CCKAR: variants seen among roughly 807,000 people sequenced by gnomAD.
CCKAR encodes the protein cholecystokinin A receptor.
A neutral mutation model predicts 29.8 loss-of-function variants in CCKAR; 21 were observed. The ratio of observed to expected loss-of-function variants is 0.70; its 90% confidence interval spans 0.50 to 1.01. The LOEUF is 1.01. Among genes scored for constraint, CCKAR ranks in the 50% least tolerant of loss-of-function variants. The probability of loss-of-function intolerance (pLI) is 0.00; values close to 1 mark genes in which losing one functional copy is unlikely to be tolerated. For missense variants in CCKAR, 570 were observed against 560.6 expected (o/e 1.02, Z -0.17); for synonymous variants, 238 against 221.3 (o/e 1.08, Z -0.67).
chr4:26,490,345 G>A lies in CCKAR; in HGVS notation c.-78C>T. ...CCGGCTCATTCCTCTAATGACCGAA[G>A]CGTCTCGCAGATGCAACCTGCCGTG... On this transcript the variant is annotated 5_prime_UTR_variant, in exon 1 of 5. Coordinates refer to ENST00000295589, the MANE Select transcript of CCKAR (RefSeq NM_000730.3). 1.0e-6 allele frequency: 1 copy of A among 969,828 alleles called. No individual in the cohort carries two copies. The highest frequency in any genetic ancestry group is 1.6e-6 in the Non-Finnish European group (1 of 608,818). 60.1% of individuals were successfully genotyped at this position (969,828 alleles called of 1,614,324 possible). A position where few individuals can be genotyped will look rare whatever the true frequency, so the allele number is the denominator to read the frequency against.
At chr4:26,483,071 G>A (rs918277573) in intron 4 of CCKAR, 85 bp downstream of exon 4, 144 of 1,361,360 alleles carry the variant, frequency 1.1e-4, no homozygotes, top group Non-Finnish European at 1.3e-4. Context: ...CAAACTTTAC[G>A]TACACTCTGG....
rs200794266 is a variant in CCKAR, at chr4:26,483,237, T to C, written c.673A>G (p.Met225Val). 5.6e-6 allele frequency: 9 copies of C among 1,613,722 alleles called. No individual in the cohort carries two copies. Among genetic ancestry groups the C allele is most frequent in the South Asian group, 1.1e-5 (1 of 91,032 alleles). The change falls in exon 4 of 5, where the codon ATG becomes GTG. Residue 225 changes from methionine (M) to valine (V), a missense_variant. Coordinates refer to ENST00000295589, the MANE Select transcript of CCKAR (RefSeq NM_000730.3). ...GAGATTAATCCATATGCCACCATCA[T>C]CACAATTCCAGGAATAAGAAAGAGG... Reference protein sequence around the residue: ...LILFLIPGIVMMVAYGLISLE... With the variant: ...LILFLIPGIVVMVAYGLISLE...
At chr4:26,488,617 C>T (rs1376235199) in intron 2 of CCKAR, among the ~76,000 whole-genome samples, 2 of 152,308 alleles carry the variant, frequency 1.3e-5, no homozygotes, top group Middle Eastern at 3.4e-3. Context: ...CCCCCAGGAG[C>T]AAATTCAACT....
At chr4:26,489,089 G>C (rs555106345) in intron 2 of CCKAR, 144 bp downstream of exon 2, 4 of 1,042,518 alleles carry the variant, frequency 3.8e-6, no homozygotes, top group Non-Finnish European at 5.7e-6. Flanking sequence ...ACCAATGTCC[G>C]TGCACACAGC....
chr4:26,487,600 A>C (rs1737473746), intron 2 of CCKAR, among the ~76,000 whole-genome samples: 1 of 152,230 alleles, frequency 6.6e-6, no homozygotes, highest in South Asian at 2.1e-4. Flanking sequence ...TGGAATTAAA[A>C]ATCCAACAAA....
chr4:26,489,260 C>T lies in CCKAR; in HGVS notation c.337G>A (p.Val113Ile), dbSNP rs770226902. The T allele has an allele frequency of 1.2e-6, 2 of 1,614,088 alleles. No individual in the cohort carries two copies. Among genetic ancestry groups the T allele is most frequent in the Non-Finnish European group, 1.7e-6 (2 of 1,180,018 alleles). Residue 113 changes from valine to isoleucine, a missense_variant, in exon 2 of 5, where the codon GTT becomes ATT. Coordinates refer to ENST00000295589, the MANE Select transcript of CCKAR (RefSeq NM_000730.3). ...LLKDFIFGSA[V>I]CKTTTYFMGT... ...ATGAAGTAGGTGGTGGTCTTGCAAA[C>T]GGCGCTCCCGAAGATGAAATCCTTG...
In CCKAR at chr4:26,485,808, C is replaced by G. The variant is rs745741826; in HGVS notation, c.455G>C (p.Trp152Ser). Residue 152 changes from tryptophan (W) to serine (S), a missense_variant, in exon 3 of 5, where the codon TGG becomes TCG. Coordinates refer to ENST00000295589, the MANE Select transcript of CCKAR (RefSeq NM_000730.3). ...AICKPLQSRVWQTKSHALKVI... is the reference protein window; with the variant it reads ...AICKPLQSRVSQTKSHALKVI... ...CTTCAAAGCATGGGATTTTGTCTGC[C>G]AGACCCGGGACTGTAAGGGTTTGCA... 3.1e-6 allele frequency: 5 copies of G among 1,613,894 alleles called. No homozygotes were observed. The highest frequency in any genetic ancestry group is 4.2e-6 in the Non-Finnish European group (5 of 1,179,980).
rs201172528 is a variant in CCKAR, at chr4:26,481,646, G to C, written c.1279C>G (p.Pro427Ala). ...SYSHMSASVPPQ is the reference protein window; with the variant it reads ...SYSHMSASVPAQ ...GAGGGTCAGGGGACATCTCACTGGG[G>C]TGGCACCGAGGCACTCATATGGCTG... The change falls in exon 5 of 5, where the codon CCC becomes GCC. Residue 427 changes from proline to alanine, a missense_variant. Coordinates refer to ENST00000295589, the MANE Select transcript of CCKAR (RefSeq NM_000730.3). 2.5e-6 allele frequency: 4 copies of C among 1,614,186 alleles called. No individual in the cohort carries two copies. The highest frequency in any genetic ancestry group is 3.4e-6 in the Non-Finnish European group (4 of 1,180,024).
chr4:26,485,842 C>T lies in CCKAR; in HGVS notation c.421G>A (p.Gly141Ser). The T allele has an allele frequency of 6.2e-7, 1 of 1,613,910 alleles. No homozygotes were observed. Among genetic ancestry groups the T allele is most frequent in the Non-Finnish European group, 8.5e-7 (1 of 1,179,926 alleles). ...NLVAISLERY[G>S]AICKPLQSRV... ...GACTGTAAGGGTTTGCAAATCGCAC[C>T]ATATCTCTCTAGAGATATGGCTACC... is the stretch of plus-strand genomic sequence containing the variant. Residue 141 changes from glycine (G) to serine (S), a missense_variant, in exon 3 of 5, where the codon GGT becomes AGT. Gly to Ser is a moderately conservative substitution (Grantham distance 56). Transcript: ENST00000295589.
chr4:26,488,679 C>T (rs201195509), intron 2 of CCKAR, among the ~76,000 whole-genome samples: 2 of 152,134 alleles, frequency 1.3e-5, no homozygotes, highest in East Asian at 3.9e-4. Context: ...CCAGAGATGG[C>T]CCCAGCTTTG....
Position 26,481,975 on chromosome 4 carries a change from A to G in CCKAR, c.950T>C (p.Val317Ala), listed in dbSNP as rs139361503. 2.2e-5 allele frequency: 35 copies of G among 1,614,104 alleles called. No homozygotes were observed. The African/African-American group carries it at 4.5e-4, about 21-fold the overall frequency. ...GCACAGGAAGAAGAGGACCACGATG[A>G]CGATGAGCATGCGGATCACCCTTTT... Reference protein sequence around the residue: ...AKKRVIRMLIVIVVLFFLCWM... With the variant: ...AKKRVIRMLIAIVVLFFLCWM... Residue 317 changes from valine to alanine, a missense_variant, in exon 5 of 5, where the codon GTC (valine) becomes GCC (alanine). Transcript: ENST00000295589.
chr4:26,485,486 G>A, intron 3 of CCKAR, 151 bp downstream of exon 3: 1 of 713,026 alleles, frequency 1.4e-6, no homozygotes, highest in Non-Finnish European at 2.3e-6. Flanking sequence ...GTTTGCTATC[G>A]TGATTATCCT....
At chr4:26,484,083 T>C (rs530999942) in intron 3 of CCKAR, among the ~76,000 whole-genome samples, 2 of 152,332 alleles carry the variant, frequency 1.3e-5, no homozygotes, top group Non-Finnish European at 2.9e-5. Flanking sequence ...AGAGCTATGC[T>C]TTTTCTAAAC....
rs1398069850 is a variant in CCKAR at position 26,489,280 on chromosome 4, T to A, written c.317A>T (p.Asp106Val). ...GCAAACGGCGCTCCCGAAGATGAAA[T>A]CCTTGAGCAGATTGGGGATGAGGTT... ...PFNLIPNLLK[D>V]FIFGSAVCKT... Residue 106 changes from aspartate to valine, a missense_variant, in exon 2 of 5, where the codon GAT becomes GTT. Physicochemically the swap from Asp to Val is radical, Grantham distance 152 (BLOSUM62 -3). Transcript: ENST00000295589. The A allele has an allele frequency of 6.2e-7, 1 of 1,613,882 alleles. No homozygotes were observed. Among genetic ancestry groups the A allele is most frequent in the Admixed American group, 1.7e-5 (1 of 59,996 alleles).
At chr4:26,487,624 T>A (rs978574490) in intron 2 of CCKAR, among the ~76,000 whole-genome samples, 4 of 152,226 alleles carry the variant, frequency 2.6e-5, no homozygotes, top group African/African-American at 9.6e-5. Flanking sequence ...ATTATGGTAT[T>A]GCAAATACTT....
chr4:26,488,818 C>T (rs1177659904), intron 2 of CCKAR, among the ~76,000 whole-genome samples: 2 of 152,192 alleles, frequency 1.3e-5, no homozygotes, highest in African/African-American at 4.8e-5. Context: ...CCATCATCCT[C>T]ACCCTCCCTA....
At position 26,489,986 on chromosome 4, in the gene CCKAR, T is replaced by C. The variant is rs56350145; in HGVS notation, c.112+170A>G. 7.6e-3 allele frequency among the ~76,000 whole-genome samples: 1,152 copies of C among 152,196 alleles called. 20 individuals are homozygous for C. The highest frequency in any genetic ancestry group is 0.026 in the African/African-American group (1,099 of 41,528). ...CCCCATGGGGGACAATAAGAATATT[T>C]GACTCTATTCTGCTTTTTAATCTCT... On this transcript the variant is annotated intron_variant, in intron 1 of 4. Transcript: ENST00000295589.
chr4:26,489,249 G>A lies in CCKAR; in HGVS notation c.348C>T (p.Thr116=). The A allele has an allele frequency of 1.2e-6, 2 of 1,614,020 alleles. No homozygotes were observed. The highest frequency in any genetic ancestry group is 1.7e-6 in the Non-Finnish European group (2 of 1,179,998). ...DFIFGSAVCK[T]TTYFMGTSVS... ...GCAACTTACCCATGAAGTAGGTGGT[G>A]GTCTTGCAAACGGCGCTCCCGAAGA... is the stretch of plus-strand genomic sequence containing the variant. Residue 116 remains threonine (T), a synonymous_variant, in exon 2 of 5, where the codon ACC becomes ACT. Transcript: ENST00000295589.
chr4:26,490,054 A>G, intron 1 of CCKAR, 102 bp downstream of exon 1: 3 of 724,614 alleles, frequency 4.1e-6, no homozygotes, highest in Non-Finnish European at 7.3e-6. Context: ...GCCTTGTCTC[A>G]CAATGACTTG....
Sources: gnomAD v4.1 joint callset for allele counts (sites outside exome capture counted in the v4.1 genomes callset) on GRCh38, gnomAD v4.1.1 for gene constraint, MANE v1.5 for transcripts, NCBI Gene and HGNC (gene_info 2026-07-23, HGNC 2026-07-21) for gene names.